AP3B1: variants seen among roughly 807,000 people sequenced by gnomAD.
AP3B1 encodes the protein adaptor related protein complex 3 subunit beta 1, also known as AP-3 complex subunit beta-1.
A neutral mutation model predicts 132.5 loss-of-function variants in AP3B1; 61 were observed. That is an observed-to-expected ratio of 0.46 (90% CI 0.37 to 0.57). AP3B1 has a LOEUF of 0.57. Ranked by LOEUF, AP3B1 falls within the 20% of genes least tolerant of loss-of-function variation. AP3B1 has a pLI of 0.00. For synonymous variants in AP3B1, 388 were observed against 438.3 expected, an observed-to-expected ratio of 0.89 and a Z score of 1.43; for missense variants, 1,120 against 1,289.4, an observed-to-expected ratio of 0.87 and a Z score of 2.01.
At chr5:78,138,239 G>A (rs997777835) in intron 15 of AP3B1, among the ~76,000 whole-genome samples, 2 of 152,164 alleles carry the variant, frequency 1.3e-5, no homozygotes, top group African/African-American at 4.8e-5. Context: ...GCTGAGGCAA[G>A]CGGATCACTT....
chr5:78,056,742 G>T (rs1435415281), intron 22 of AP3B1, among the ~76,000 whole-genome samples: 1 of 152,162 alleles, frequency 6.6e-6, no homozygotes, highest in African/African-American at 2.4e-5. Flanking sequence ...TATGGTCTTT[G>T]TTAACAACTG....
rs1311668066 is a variant in AP3B1, at chr5:78,002,767, G to A, written c.*135C>T. On this transcript the variant is annotated 3_prime_UTR_variant, in exon 27 of 27. Coordinates refer to ENST00000255194, the MANE Select transcript of AP3B1 (RefSeq NM_003664.5). ...AGATACACACTAGCATTCTAAAGCA[G>A]GAGACAAGAATGTCAAGAGTGTATT... The A allele has an allele frequency of 3.0e-6, 3 of 1,012,316 alleles. No homozygotes were observed. The highest frequency in any genetic ancestry group is 4.7e-6 in the Non-Finnish European group (3 of 635,986). 62.7% of individuals were successfully genotyped at this position (1,012,316 alleles called of 1,614,324 possible).
chr5:78,222,752 CACA>C (rs951041991), intron 6 of AP3B1, among the ~76,000 whole-genome samples: 7 of 151,950 alleles, frequency 4.6e-5, no homozygotes, highest in African/African-American at 1.2e-4. Context: ...TACATACCAA[CACA>C]ACGAGTTCAA....
intron 7 of AP3B1, among the ~76,000 whole-genome samples, chr5:78,195,040 A>G (rs1314746522): frequency 1.3e-5 from 2 of 151,314 alleles, no homozygotes; most frequent in Non-Finnish European, 2.9e-5. Flanking sequence ...TTCTTTAAAA[A>G]TATACATTTA....
At chr5:78,082,926 C>T (rs1370878114) in intron 22 of AP3B1, among the ~76,000 whole-genome samples, 1 of 151,918 alleles carries the variant, frequency 6.6e-6, no homozygotes, top group Non-Finnish European at 1.5e-5. Context: ...AGCAATTCTC[C>T]TGTCTCAGCC....
At chr5:78,142,158 A>G (rs900327067) in intron 14 of AP3B1, among the ~76,000 whole-genome samples, 1 of 152,248 alleles carries the variant, frequency 6.6e-6, no homozygotes, top group Non-Finnish European at 1.5e-5. Context: ...TTTTGGCACT[A>G]TATTTTTAAA....
At chr5:78,053,757 T>C (rs1748691237) in intron 22 of AP3B1, among the ~76,000 whole-genome samples, 1 of 152,102 alleles carries the variant, frequency 6.6e-6, no homozygotes, top group African/African-American at 2.4e-5. Flanking sequence ...TTCCGATCTT[T>C]TGCTCCCTTA....
At chr5:78,022,055 TA>T (rs1561358125) in intron 24 of AP3B1, among the ~76,000 whole-genome samples, 1 of 152,106 alleles carries the variant, frequency 6.6e-6, no homozygotes, top group East Asian at 1.9e-4. Context: ...TGACATAATA[TA>T]AAAAAAGAAC....
At chr5:78,209,454 C>T (rs1233607631) in intron 7 of AP3B1, among the ~76,000 whole-genome samples, 1 of 152,208 alleles carries the variant, frequency 6.6e-6, no homozygotes, top group Non-Finnish European at 1.5e-5. Flanking sequence ...ACTTAACTTT[C>T]AATTAATTGC....
chr5:78,083,099 G>T (rs953868452), intron 22 of AP3B1, among the ~76,000 whole-genome samples: 1 of 152,138 alleles, frequency 6.6e-6, no homozygotes, highest in African/African-American at 2.4e-5. Context: ...TTACAGGTGT[G>T]AGCCACCGCG....
Position 78,175,820 on chromosome 5 carries a change from G to C in AP3B1, c.1059C>G (p.Val353=). The C allele has an allele frequency of 6.2e-7, 1 of 1,611,226 alleles. No individual in the cohort carries two copies. Among genetic ancestry groups the C allele is most frequent in the Middle Eastern group, 2.0e-4 (1 of 5,032 alleles). The change falls in exon 10 of 27, where the codon GTC becomes GTG. Residue 353 remains valine, a synonymous_variant. Transcript: ENST00000255194. ...LRSNREVQYI[V]LQNIATMSIQ... ...TTGACATAGTTGCTATATTTTGTAG[G>C]ACAATATACTGCACCTCCCTAGAAA...
intron 2 of AP3B1, among the ~76,000 whole-genome samples, chr5:78,247,519 T>C (rs895152205): frequency 4.0e-5 from 6 of 151,542 alleles, no homozygotes; most frequent in Non-Finnish European, 7.4e-5. Context: ...TTTTTTTTTT[T>C]ACTCCGTTTT....
rs1216229030 is a variant in AP3B1, at chr5:78,039,028, A to G, written c.2809+15T>C. On this transcript the variant is annotated intron_variant, in intron 23 of 26. Transcript: ENST00000255194. ...TCAAATATAGTTAAGGTTTTAAATG[A>G]GAATTAATATTTACCTATTGGATTA... The G allele has an allele frequency of 2.8e-6, 4 of 1,443,638 alleles. No homozygotes were observed. Among genetic ancestry groups the G allele is most frequent in the Non-Finnish European group, 3.9e-6 (4 of 1,029,800 alleles). The allele number at this position is 1,443,638 out of a possible 1,614,324, so 89.4% of individuals were successfully genotyped here. A position where few individuals can be genotyped will look rare whatever the true frequency, so the allele number is the denominator to read the frequency against.
chr5:78,133,309 T>A lies in AP3B1; in HGVS notation c.1651-4002A>T, dbSNP rs542268877. Among the ~76,000 whole-genome samples, 3 of 152,306 alleles carry A rather than the reference T, an allele frequency of 2.0e-5. No individual in the cohort carries two copies. In the South Asian group the frequency reaches 6.2e-4, roughly 32 times the overall value. On this transcript the variant is annotated intron_variant, in intron 15 of 26. Transcript: ENST00000255194. Reference sequence around the variant, plus strand: ...AAAGGAAGAAGTTAGTTATGTTACATCTAGAAAGGGTGGGAAAAAGATACA... The same window carrying A: ...AAAGGAAGAAGTTAGTTATGTTACAACTAGAAAGGGTGGGAAAAAGATACA...
At chr5:78,102,194 T>C (rs534471197) in intron 20 of AP3B1, among the ~76,000 whole-genome samples, 11 of 152,276 alleles carry the variant, frequency 7.2e-5, no homozygotes, top group Admixed American at 7.2e-4. Context: ...TTTATCACTA[T>C]TTAAAGTTTA....
At chr5:78,153,272 C>CT (rs1425553322) in intron 14 of AP3B1, among the ~76,000 whole-genome samples, 1 of 152,120 alleles carries the variant, frequency 6.6e-6, no homozygotes. Flanking sequence ...TGAATTGACT[C>CT]TTTATCATTA....
At chr5:78,181,752 T>C in intron 7 of AP3B1, 90 bp from the exon 8 acceptor site, 1 of 1,122,346 alleles carries the variant, frequency 8.9e-7, no homozygotes, top group Non-Finnish European at 1.3e-6. Flanking sequence ...TTTAAACATC[T>C]ATAACAACAT....
intron 22 of AP3B1, among the ~76,000 whole-genome samples, chr5:78,051,238 C>T (rs925490035): frequency 2.0e-5 from 3 of 152,034 alleles, no homozygotes; most frequent in African/African-American, 4.8e-5. Flanking sequence ...AGACAGACAG[C>T]GTGCAATTTT....
intron 14 of AP3B1, among the ~76,000 whole-genome samples, chr5:78,149,543 A>C (rs1753556342): frequency 1.3e-5 from 2 of 152,318 alleles, no homozygotes; most frequent in Non-Finnish European, 2.9e-5. Flanking sequence ...TCTTCAAAAA[A>C]CACTCAATAT....
Sources: allele counts gnomAD v4.1 joint callset (sites outside exome capture counted in the v4.1 genomes callset), GRCh38; gene constraint gnomAD v4.1.1; transcripts MANE v1.5; gene names NCBI Gene and HGNC (gene_info 2026-07-23, HGNC 2026-07-21).